The following ORC3 variants were observed in gnomAD, a reference collection of about 807,000 sequenced individuals.
The protein encoded by ORC3 is homolog of latheo, Drosophila.
ORC3 carries 78 observed loss-of-function variants against 100.7 expected under a neutral mutation model. The observed-to-expected ratio is 0.77, with a 90% CI of 0.65 to 0.94. The LOEUF (loss-of-function observed/expected upper bound fraction) is 0.94, where lower values mean the gene tolerates loss of function less well. ORC3 is among the 40% of genes least tolerant of loss of function. The probability of loss-of-function intolerance (pLI) is 0.00; values close to 1 mark genes in which losing one functional copy is unlikely to be tolerated. For synonymous variants in ORC3, 295 were observed against 289.3 expected, an observed-to-expected ratio of 1.02 and a Z score of -0.20; for missense variants, 789 against 823.9, an observed-to-expected ratio of 0.96 and a Z score of 0.52.
chr6:87,601,005 C>G (rs1179118188), intron 2 of ORC3, among the ~76,000 whole-genome samples: 1 of 151,886 alleles, frequency 6.6e-6, no homozygotes, highest in African/African-American at 2.4e-5. Context: ...AGAAAGCATT[C>G]AAAAAGGATA....
chr6:87,620,868 G>T (rs1779483896), intron 9 of ORC3, among the ~76,000 whole-genome samples: 1 of 152,022 alleles, frequency 6.6e-6, no homozygotes, highest in Admixed American at 6.6e-5. Flanking sequence ...TCCTCCATGG[G>T]AAAAAAATTA....
chr6:87,677,708 T>C, the ORC3 span: 1 of 1,304,564 alleles, frequency 7.7e-7, no homozygotes, highest in Non-Finnish European at 1.0e-6. Flanking sequence ...ATTTTCTCAT[T>C]CTCAGAGAAT....
At chr6:87,596,176 A>G (rs1035806870) in intron 2 of ORC3, among the ~76,000 whole-genome samples, 1 of 146,344 alleles carries the variant, frequency 6.8e-6, no homozygotes, top group Non-Finnish European at 1.5e-5. Flanking sequence ...TTTTTTTGAG[A>G]CGGAGTCTAG....
chr6:87,662,080 C>T (rs1326875012), intron 16 of ORC3, among the ~76,000 whole-genome samples: 1 of 152,038 alleles, frequency 6.6e-6, no homozygotes, highest in East Asian at 1.9e-4. Context: ...TACTCTGAAA[C>T]TAAGATTTAG....
At chr6:87,676,059 C>A in the ORC3 span, 3,781 of 693,392 alleles carry the variant, frequency 5.5e-3, 92 homozygotes, top group African/African-American at 0.055. Flanking sequence ...CTCAGTAGTA[C>A]TAATAGTGTA....
At position 87,613,952 on chromosome 6, in the gene ORC3, G is replaced by A. The variant is rs553211119; in HGVS notation, c.873+1704G>A. 1.3e-4 allele frequency among the ~76,000 whole-genome samples: 20 copies of A among 152,258 alleles called. No individual in the cohort carries two copies. In the East Asian group the frequency reaches 3.7e-3, roughly 28 times the overall value. Reference sequence around the variant, plus strand: ...GCTGTTGGTGGATCTACCATTCTGGGGTGTAGAGGATGGTAGCCCTTTTCT... The same window carrying A: ...GCTGTTGGTGGATCTACCATTCTGGAGTGTAGAGGATGGTAGCCCTTTTCT... On this transcript the variant is annotated intron_variant, in intron 8 of 19. Transcript: ENST00000392844.
downstream of ORC3, among the ~76,000 whole-genome samples, chr6:87,672,072 G>T (rs752016389): frequency 5.9e-5 from 9 of 152,178 alleles, no homozygotes; most frequent in Non-Finnish European, 1.0e-4. Context: ...ATTGAATCGT[G>T]TTTGGGGGAT....
intron 11 of ORC3, among the ~76,000 whole-genome samples, chr6:87,625,825 T>A (rs900593392): frequency 3.3e-5 from 5 of 152,200 alleles, no homozygotes; most frequent in Non-Finnish European, 7.3e-5. Flanking sequence ...TTTTAGGTCT[T>A]ACATTTAAGT....
At chr6:87,656,324 G>A (rs571279889) in intron 14 of ORC3, among the ~76,000 whole-genome samples, 58 of 152,124 alleles carry the variant, frequency 3.8e-4, no homozygotes, top group Non-Finnish European at 7.6e-4. Flanking sequence ...ATGGTGGCTC[G>A]TGCCTGTAAT....
intron 14 of ORC3, among the ~76,000 whole-genome samples, chr6:87,656,431 T>C (rs557590929): frequency 9.7e-4 from 148 of 152,012 alleles, no homozygotes; most frequent in Non-Finnish European, 1.8e-3. Context: ...CTACTAAAAA[T>C]ACAAAAATTA....
At chr6:87,645,989 T>C (rs1039152951) in intron 13 of ORC3, among the ~76,000 whole-genome samples, 7 of 145,162 alleles carry the variant, frequency 4.8e-5, no homozygotes, top group African/African-American at 7.9e-5. Flanking sequence ...TTTTTCTTTT[T>C]TTTTTCTTTT....
intron 15 of ORC3, 135 bp from the exon 16 acceptor site, chr6:87,657,786 C>A (rs1324803434): frequency 4.0e-6 from 2 of 496,278 alleles, no homozygotes; most frequent in Admixed American, 3.3e-5. Flanking sequence ...AAACAAAACC[C>A]ATTTTGATCT....
rs1206277485 is a variant in ORC3 at position 87,621,334 on chromosome 6, A to G, written c.988-20A>G. 2 of 1,476,278 alleles carry G rather than the reference A, an allele frequency of 1.4e-6. No individual in the cohort carries two copies. Among genetic ancestry groups the G allele is most frequent in the Admixed American group, 5.1e-5 (2 of 39,066 alleles). The allele number at this position is 1,476,278 out of a possible 1,614,324, so 91.4% of individuals were successfully genotyped here. ...CTGCCAAAATATAACAAATATGTTTAATCTTCACATGTCTTTCAGCTTTCT... is the reference window on the plus strand; with the variant it reads ...CTGCCAAAATATAACAAATATGTTTGATCTTCACATGTCTTTCAGCTTTCT... On this transcript the variant is annotated intron_variant, in intron 9 of 19. Coordinates refer to ENST00000392844, the MANE Select transcript of ORC3 (RefSeq NM_012381.4).
the ORC3 span, among the ~76,000 whole-genome samples, chr6:87,674,302 C>CAAAAA: frequency 4.0e-3 from 347 of 86,976 alleles, 1 homozygote; most frequent in East Asian, 0.012. Flanking sequence ...AACTCTATCT[C>CAAAAA]AAAAAAAAAA....
chr6:87,621,667 G>A (rs1296168874), intron 10 of ORC3, among the ~76,000 whole-genome samples, 180 bp downstream of exon 10: 3 of 152,042 alleles, frequency 2.0e-5, no homozygotes, highest in Non-Finnish European at 4.4e-5. Context: ...TTTACAAAGG[G>A]ACATAATTTG....
At chr6:87,600,890 G>A (rs1027771995) in intron 2 of ORC3, among the ~76,000 whole-genome samples, 1 of 152,188 alleles carries the variant, frequency 6.6e-6, no homozygotes, top group Non-Finnish European at 1.5e-5. Flanking sequence ...ATGTGTATAT[G>A]TGTTAGGTTA....
chr6:87,607,457 A>G (rs1429349981), intron 5 of ORC3, among the ~76,000 whole-genome samples: 1 of 152,070 alleles, frequency 6.6e-6, no homozygotes, highest in Non-Finnish European at 1.5e-5. Flanking sequence ...GATAATATAC[A>G]TAAGCTTTGG....
intron 19 of ORC3, 110 bp downstream of exon 19, chr6:87,665,943 A>G: frequency 1.7e-6 from 1 of 601,992 alleles, no homozygotes; most frequent in Non-Finnish European, 2.9e-6. Context: ...AAACAACCGT[A>G]TTACTTGTTA....
intron 2 of ORC3, among the ~76,000 whole-genome samples, chr6:87,597,959 C>T (rs145741576): frequency 1.3e-3 from 194 of 152,292 alleles, no homozygotes; most frequent in African/African-American, 3.9e-3. Flanking sequence ...CATGCAGTGA[C>T]ATCTAATATC....
Sources: gnomAD v4.1 joint callset for allele counts (sites outside exome capture counted in the v4.1 genomes callset) on GRCh38, gnomAD v4.1.1 for gene constraint, MANE v1.5 for transcripts, NCBI Gene and HGNC (gene_info 2026-07-23, HGNC 2026-07-21) for gene names.